The following BLTP1 variants were observed in gnomAD, a reference collection of about 807,000 sequenced individuals.
BLTP1 encodes the protein bridge-like lipid transfer protein family member 1.
At chr4:122,252,453 A>C in the BLTP1 span, among the ~76,000 whole-genome samples, 11 of 152,100 alleles carry the variant, frequency 7.2e-5, no homozygotes, top group Admixed American at 7.2e-4. Flanking sequence ...GCCTGGCAGC[A>C]TTCACCACAA....
the BLTP1 span, chr4:122,172,466 A>G: frequency 3.3e-6 from 1 of 300,072 alleles, no homozygotes; most frequent in African/African-American, 2.3e-5. Flanking sequence ...TTACTGTAGC[A>G]TATTCAATGA....
chr4:122,237,642 T>TTATGTA, the BLTP1 span: 1 of 763,828 alleles, frequency 1.3e-6, no homozygotes, highest in East Asian at 1.3e-4. Flanking sequence ...TTTATGGGCC[T>TTATGTA]GGGATCTATA....
the BLTP1 span, chr4:122,268,993 G>A: frequency 2.8e-6 from 1 of 357,940 alleles, no homozygotes; most frequent in Non-Finnish European, 3.9e-6. Flanking sequence ...TCGCCTTATT[G>A]GGAGACTTGT....
the BLTP1 span, chr4:122,219,503 C>A: frequency 6.2e-7 from 1 of 1,613,614 alleles, no homozygotes; most frequent in Admixed American, 1.7e-5. Context: ...CATCCACTTG[C>A]CTTGCGTCCT....
the BLTP1 span, chr4:122,196,534 T>C: frequency 1.1e-6 from 1 of 900,984 alleles, no homozygotes; most frequent in Non-Finnish European, 1.7e-6. Flanking sequence ...TCAAATGTGA[T>C]AGCAATGATA....
At chr4:122,353,861 C>G in the BLTP1 span, 1 of 1,613,678 alleles carries the variant, frequency 6.2e-7, no homozygotes, top group Non-Finnish European at 8.5e-7. This position sits in a 1 kb window ranked among gnomAD's most constrained non-coding sequence, Gnocchi z 4.3. Context: ...AGATTTTCAC[C>G]TGGGTCATAA....
chr4:122,346,327 GAA>G, the BLTP1 span: 71 of 386,556 alleles, frequency 1.8e-4, no homozygotes, highest in African/African-American at 1.5e-3. Flanking sequence ...TTCCATAATA[GAA>G]AAGACTGCTG....
chr4:122,295,984 T>C, the BLTP1 span, among the ~76,000 whole-genome samples: 1 of 152,198 alleles, frequency 6.6e-6, no homozygotes, highest in Non-Finnish European at 1.5e-5. Context: ...TCGTACTGAA[T>C]GTGCAAAAGC....
the BLTP1 span, chr4:122,229,008 T>TA: frequency 1.0e-5 from 9 of 899,562 alleles, no homozygotes; most frequent in East Asian, 2.3e-4. Flanking sequence ...GACTGATTTT[T>TA]AAAAAATACA....
the BLTP1 span, chr4:122,170,236 G>T: frequency 4.3e-6 from 2 of 463,590 alleles, no homozygotes; most frequent in Non-Finnish European, 5.6e-6. Context: ...AAACTGGGAG[G>T]TGGAGGTTGC....
chr4:122,234,874 G>C, the BLTP1 span: 3 of 1,613,412 alleles, frequency 1.9e-6, no homozygotes, highest in South Asian at 3.3e-5. Flanking sequence ...ACAGTAACTG[G>C]CCTAGATTTC....
chr4:122,199,293 T>C, the BLTP1 span: 1 of 1,583,790 alleles, frequency 6.3e-7, no homozygotes. Flanking sequence ...GAGTTGGTTC[T>C]AGTCCAAAGA....
chr4:122,334,296 C>A, the BLTP1 span: 1 of 1,340,468 alleles, frequency 7.5e-7, no homozygotes, highest in Admixed American at 1.8e-5. Flanking sequence ...TCTTGATTTT[C>A]CTCATCTTCA....
At chr4:122,337,211 A>C in the BLTP1 span, 1 of 564,726 alleles carries the variant, frequency 1.8e-6, no homozygotes, top group South Asian at 2.2e-5. Context: ...GTATATACAG[A>C]TGCTCAAGTT....
At chr4:122,288,456 G>C in the BLTP1 span, among the ~76,000 whole-genome samples, 1 of 151,970 alleles carries the variant, frequency 6.6e-6, no homozygotes, top group East Asian at 1.9e-4. Flanking sequence ...CAAAGTGGGC[G>C]GATCGCTTGA....
the BLTP1 span, chr4:122,219,568 G>A: frequency 4.3e-6 from 7 of 1,610,748 alleles, no homozygotes; most frequent in African/African-American, 2.7e-5. Context: ...TCTTCCTGTT[G>A]TAAGTGTTTA....
At chr4:122,178,146 C>G in the BLTP1 span, 2 of 848,548 alleles carry the variant, frequency 2.4e-6, no homozygotes, top group Non-Finnish European at 2.8e-6. Flanking sequence ...GCATAATAAA[C>G]CTAAAATATG....
the BLTP1 span, chr4:122,336,986 T>C: frequency 6.2e-7 from 1 of 1,611,726 alleles, no homozygotes; most frequent in Non-Finnish European, 8.5e-7. Context: ...TACTCTTCCT[T>C]CCCTGTAGAT....
the BLTP1 span, chr4:122,175,996 C>T: frequency 1.3e-6 from 1 of 776,128 alleles, no homozygotes. Context: ...TTAGATATGA[C>T]CAGTTAGAAA....
Sources: gnomAD v4.1 joint callset for allele counts (sites outside exome capture counted in the v4.1 genomes callset) on GRCh38, gnomAD v4.1.1 for gene constraint, Gnocchi (gnomAD v3.1) non-coding constraint, MANE v1.5 for transcripts, NCBI Gene and HGNC (gene_info 2026-07-23, HGNC 2026-07-21) for gene names.